Variants in ARID5A observed in about 807,000 individuals in gnomAD.
ARID5A encodes the protein AT-rich interaction domain 5A.
Under a neutral mutation model 30.5 loss-of-function variants are expected in ARID5A, and 14 were observed. The ratio of observed to expected loss-of-function variants is 0.46; its 90% CI spans 0.30 to 0.72. ARID5A has a LOEUF of 0.72. Ranked by LOEUF, ARID5A falls within the 30% of genes least tolerant of loss-of-function variation. The pLI is 0.07. For synonymous variants in ARID5A, 338 were observed against 340.4 expected (o/e 0.99, Z 0.08); for missense variants, 669 against 786.2 (o/e 0.85, Z 1.78).
Position 96,549,683 on chromosome 2 carries a change from C to T in ARID5A, c.260-70C>T, listed in dbSNP as rs1175405426. The T allele has an allele frequency of 1.1e-5, 18 of 1,606,832 alleles. No individual in the cohort carries two copies. The highest frequency in any genetic ancestry group is 1.7e-4 in the Middle Eastern group (1 of 6,050). On this transcript the variant is annotated intron_variant, in intron 3 of 6. Coordinates refer to ENST00000357485, the MANE Select transcript of ARID5A (RefSeq NM_212481.3). The surrounding 1 kb of genome is among the most constrained non-coding windows in gnomAD (Gnocchi z 6.1). ...GTCTGTGCCTGGCCTGTCAGGGCACCAGGAAGGGGTGGCATGCTGTCCCCA... is the reference window on the plus strand; with the variant it reads ...GTCTGTGCCTGGCCTGTCAGGGCACTAGGAAGGGGTGGCATGCTGTCCCCA...
At chr2:96,542,435 C>A (rs2065862064) in intron 1 of ARID5A, among the ~76,000 whole-genome samples, 1 of 152,194 alleles carries the variant, frequency 6.6e-6, no homozygotes, top group Non-Finnish European at 1.5e-5. Context: ...TGGTGACCTC[C>A]TTTCCAGGTA....
rs1208855672 is a variant in ARID5A at position 96,552,028 on chromosome 2, C to T, written c.1500C>T (p.Tyr500=). 1.3e-6 allele frequency: 2 copies of T among 1,538,694 alleles called. No homozygotes were observed. The highest frequency in any genetic ancestry group is 2.5e-5 in the South Asian group (2 of 78,962). Residue 500 remains tyrosine, a synonymous_variant, in exon 7 of 7, where the codon TAC becomes TAT. Transcript: ENST00000357485. ...TGGGGCCTGTGCCCCCAGAGGCCTA[C>T]AGGGGCACCATGCTGCACTGCCCGC... ...PALGPVPPEA[Y]RGTMLHCPLN... is the part of the protein sequence containing the mutation.
chr2:96,552,432 G>C lies in ARID5A; in HGVS notation c.*119G>C. ...CCAGGACACCCGGGCCATGCCCCTG[G>C]CTGGGCAGCCTGGCACAAGTGAAGA... On this transcript the variant is annotated 3_prime_UTR_variant, in exon 7 of 7. Transcript: ENST00000357485. The C allele has an allele frequency of 6.4e-7, 1 of 1,557,434 alleles. No homozygotes were observed. Among genetic ancestry groups the C allele is most frequent in the Non-Finnish European group, 8.7e-7 (1 of 1,153,288 alleles).
rs765210461 is a variant in ARID5A at position 96,551,186 on chromosome 2, G to A, written c.658G>A (p.Gly220Ser). Reference sequence around the variant, plus strand: ...CCCCAGGAACAGCACAGAACAGCAGGGCCTGGCCTCTGGGTCTTCTGTGTC... The same window carrying A: ...CCCCAGGAACAGCACAGAACAGCAGAGCCTGGCCTCTGGGTCTTCTGTGTC... ...EPPRNSTEQQ[G>S]LASGSSVSFV... is the part of the protein sequence containing the mutation. The change falls in exon 7 of 7, where the codon GGC becomes AGC. Residue 220 changes from glycine (G) to serine (S), a missense_variant. Coordinates refer to ENST00000357485, the MANE Select transcript of ARID5A (RefSeq NM_212481.3). 35 of 1,613,856 alleles carry A rather than the reference G, an allele frequency of 2.2e-5. No individual in the cohort carries two copies. The East Asian group carries it at 7.8e-4, about 36-fold the overall frequency.
Position 96,550,229 on chromosome 2 carries a change from G to C in ARID5A, c.354G>C (p.Leu118=). Residue 118 remains leucine (L), a synonymous_variant, in exon 5 of 7, where the codon CTG becomes CTC. Coordinates refer to ENST00000357485, the MANE Select transcript of ARID5A (RefSeq NM_212481.3). The surrounding 1 kb of genome is among the most constrained non-coding windows in gnomAD (Gnocchi z 6.6). The stretch of plus-strand genomic sequence containing the variant: ...TCTGGAAGAACGTGTACGACGAGCT[G>C]GGGGGCAGCCCAGGCAGCACCAGCG... ...RRLWKNVYDE[L]GGSPGSTSAA... is the part of the protein sequence containing the mutation. The C allele has an allele frequency of 2.0e-6, 3 of 1,531,774 alleles. No individual in the cohort carries two copies. The highest frequency in any genetic ancestry group is 1.2e-5 in the South Asian group (1 of 83,054). The allele number at this position is 1,531,774 out of a possible 1,614,324, so 94.9% of individuals were successfully genotyped here.
chr2:96,543,004 G>C (rs2065871216), intron 1 of ARID5A, among the ~76,000 whole-genome samples: 1 of 152,224 alleles, frequency 6.6e-6, no homozygotes, highest in South Asian at 2.1e-4. Flanking sequence ...GACTTGGTTG[G>C]AAAGGCATCA....
chr2:96,551,205 C>G lies in ARID5A; in HGVS notation c.677C>G (p.Ser226Cys). 1.9e-6 allele frequency: 3 copies of G among 1,614,056 alleles called. No individual in the cohort carries two copies. Among genetic ancestry groups the G allele is most frequent in the Non-Finnish European group, 2.5e-6 (3 of 1,180,010 alleles). The change falls in exon 7 of 7, where the codon TCT (serine) becomes TGT (cysteine). Residue 226 changes from serine (S) to cysteine (C), a missense_variant. By Grantham distance (112) the Ser-to-Cys change is moderately radical. This residue lies in a region of ARID5A where 548 missense variants were observed against 577.4 expected (regional missense o/e 0.95). Transcript: ENST00000357485. ...TEQQGLASGS[S>C]VSFVGASGCP... ...CAGCAGGGCCTGGCCTCTGGGTCTTCTGTGTCCTTTGTGGGTGCCAGCGGC... is the reference window on the plus strand; with the variant it reads ...CAGCAGGGCCTGGCCTCTGGGTCTTGTGTGTCCTTTGTGGGTGCCAGCGGC...
chr2:96,548,865 G>A (rs569557734), intron 2 of ARID5A, among the ~76,000 whole-genome samples: 17 of 152,326 alleles, frequency 1.1e-4, no homozygotes, highest in South Asian at 2.1e-4. Flanking sequence ...GTAACCCCAG[G>A]GCACCAGAAA....
chr2:96,552,526 G>A lies in ARID5A; in HGVS notation c.*213G>A. On this transcript the variant is annotated 3_prime_UTR_variant, in exon 7 of 7. Transcript: ENST00000357485. Reference sequence around the variant, plus strand: ...GAGCCCAGGAGCAGAGGACCCAGTTGTTATAAGGCGCTGGGAGAGGATGGG... The same window carrying A: ...GAGCCCAGGAGCAGAGGACCCAGTTATTATAAGGCGCTGGGAGAGGATGGG... 7 of 1,532,358 alleles carry A rather than the reference G, an allele frequency of 4.6e-6. No homozygotes were observed. The highest frequency in any genetic ancestry group is 1.4e-5 in the African/African-American group (1 of 73,136). 94.9% of individuals were successfully genotyped at this position (1,532,358 alleles called of 1,614,324 possible).
chr2:96,547,146 G>T (rs1194043664), intron 1 of ARID5A, among the ~76,000 whole-genome samples: 1 of 151,638 alleles, frequency 6.6e-6, no homozygotes, highest in Non-Finnish European at 1.5e-5. Context: ...CCTTCCCCCT[G>T]GCCAATTCTT....
In ARID5A at chr2:96,551,780, G is replaced by T; in HGVS notation, c.1252G>T (p.Val418Leu). The T allele has an allele frequency of 6.5e-7, 1 of 1,539,448 alleles. No individual in the cohort carries two copies. Among genetic ancestry groups the T allele is most frequent in the African/African-American group, 1.4e-5 (1 of 72,096 alleles). Residue 418 changes from valine (V) to leucine (L), a missense_variant, in exon 7 of 7, where the codon GTG becomes TTG. Val to Leu is a conservative substitution (Grantham distance 32). Around this residue, in one of 4 missense-constraint regions of ARID5A, gnomAD observed 548 missense variants for 577.4 expected, o/e 0.95. Transcript: ENST00000357485. ...CTACCCCAAGCCCAAAGCCTGCTGG[G>T]TGTCCCCCATGGCCAAGGTCCCAGC... is the stretch of plus-strand genomic sequence containing the variant. Reference protein sequence around the residue: ...ILYPKPKACWVSPMAKVPAES... With the variant: ...ILYPKPKACWLSPMAKVPAES...
chr2:96,547,535 G>C lies in ARID5A; in HGVS notation c.120+18G>C. The stretch of plus-strand genomic sequence containing the variant: ...CGCTGGAGGTGAGTTGACTCCCTCT[G>C]CTGACTCCCTGGGCACTCTTCCCTG... On this transcript the variant is annotated intron_variant, in intron 2 of 6. Coordinates refer to ENST00000357485, the MANE Select transcript of ARID5A (RefSeq NM_212481.3). 2 of 1,610,316 alleles carry C rather than the reference G, an allele frequency of 1.2e-6. No individual in the cohort carries two copies. Among genetic ancestry groups the C allele is most frequent in the Non-Finnish European group, 1.7e-6 (2 of 1,177,076 alleles).
At position 96,550,810 on chromosome 2, in the gene ARID5A, G is replaced by A; in HGVS notation, c.570+77G>A. 2 of 1,466,936 alleles carry A rather than the reference G, an allele frequency of 1.4e-6. No homozygotes were observed. The allele number at this position is 1,466,936 out of a possible 1,614,324, so 90.9% of individuals were successfully genotyped here. On this transcript the variant is annotated intron_variant, in intron 6 of 6. Transcript: ENST00000357485. This position sits in a 1 kb window ranked among gnomAD's most constrained non-coding sequence, Gnocchi z 6.6. Reference sequence around the variant, plus strand: ...CTACCCCACAACTCCCTGTGGCCGCGGAGCTGTCTGCTCAGAATACACAGA... The same window carrying A: ...CTACCCCACAACTCCCTGTGGCCGCAGAGCTGTCTGCTCAGAATACACAGA...
intron 2 of ARID5A, 94 bp downstream of exon 2, chr2:96,547,611 TCTCAGGAGG>T: frequency 1.7e-6 from 2 of 1,169,034 alleles, no homozygotes; most frequent in Non-Finnish European, 2.5e-6. Context: ...CTCCCCAAGC[TCTCAGGAGG>T]GAGATATGTT....
chr2:96,547,523 TTGACTCCCTCTGC>T lies in ARID5A; in HGVS notation c.120+16_120+28del, dbSNP rs745724326. The T allele has an allele frequency of 3.7e-6, 6 of 1,612,648 alleles. No homozygotes were observed. Among genetic ancestry groups the T allele is most frequent in the Non-Finnish European group, 5.1e-6 (6 of 1,179,344 alleles). ...AGAACCCCATCTCGCTGGAGGTGAG[TTGACTCCCTCTGC>T]TGACTCCCTGGGCACTCTTCCCTGC... On this transcript the variant is annotated splice_region_variant and intron_variant, in intron 2 of 6. Coordinates refer to ENST00000357485, the MANE Select transcript of ARID5A (RefSeq NM_212481.3).
intron 1 of ARID5A, among the ~76,000 whole-genome samples, chr2:96,542,296 C>T (rs891286192): frequency 4.6e-5 from 7 of 152,302 alleles, no homozygotes; most frequent in Admixed American, 4.6e-4. Flanking sequence ...CAGGACAGAG[C>T]ACTAACCCTG....
chr2:96,550,671 AG>A lies in ARID5A; in HGVS notation c.514del (p.Asp172MetfsTer20). Reference protein sequence around the residue: ...RKQYKMAKENRGDDGATERPK... With the variant: ...RKQYKMAKENXGDDGATERPK... ...ACAGTACAAGATGGCTAAGGAGAAC[AG>A]GGGGGATGATGGGGCCACCGAGAGG... On this transcript the variant is annotated frameshift_variant, in exon 6 of 7. Transcript: ENST00000357485. LOFTEE classifies it high-confidence loss of function. The surrounding 1 kb of genome is among the most constrained non-coding windows in gnomAD (Gnocchi z 6.6). 6.3e-7 allele frequency: 1 copy of A among 1,597,942 alleles called. No individual in the cohort carries two copies. The highest frequency in any genetic ancestry group is 8.5e-7 in the Non-Finnish European group (1 of 1,173,378).
chr2:96,552,297 T>G lies in ARID5A; in HGVS notation c.1769T>G (p.Leu590Arg), dbSNP rs374377963. 6.2e-7 allele frequency: 1 copy of G among 1,613,090 alleles called. No homozygotes were observed. Among genetic ancestry groups the G allele is most frequent in the African/African-American group, 1.3e-5 (1 of 74,928 alleles). ...TTYAAPHFFH[L>R]NTKL ...TATGCAGCGCCCCACTTCTTCCACCTCAACACCAAGCTGTAGGCCAGCCCA... is the reference window on the plus strand; with the variant it reads ...TATGCAGCGCCCCACTTCTTCCACCGCAACACCAAGCTGTAGGCCAGCCCA... The change falls in exon 7 of 7, where the codon CTC (leucine) becomes CGC (arginine). Residue 590 changes from leucine to arginine, a missense_variant. Physicochemically the swap from Leu to Arg is moderately radical, Grantham distance 102 (BLOSUM62 -2). Transcript: ENST00000357485.
chr2:96,549,616 G>C lies in ARID5A; in HGVS notation c.260-137G>C. 2.7e-6 allele frequency: 4 copies of C among 1,497,882 alleles called. No homozygotes were observed. Among genetic ancestry groups the C allele is most frequent in the Non-Finnish European group, 3.7e-6 (4 of 1,081,742 alleles). 92.8% of individuals were successfully genotyped at this position (1,497,882 alleles called of 1,614,324 possible). On this transcript the variant is annotated intron_variant, in intron 3 of 6. Coordinates refer to ENST00000357485, the MANE Select transcript of ARID5A (RefSeq NM_212481.3). The surrounding 1 kb of genome is among the most constrained non-coding windows in gnomAD (Gnocchi z 6.1). ...CTGGGCCAGGGGTGCACAGGGCACA[G>C]CCTGCCCGTCTATTGCAGTGGCCCT...
Sources: allele counts gnomAD v4.1 joint callset (sites outside exome capture counted in the v4.1 genomes callset), GRCh38; gene constraint gnomAD v4.1.1; regional missense constraint gnomAD v4.1.1; non-coding constraint Gnocchi (gnomAD v3.1); transcripts MANE v1.5; gene names NCBI Gene and HGNC (gene_info 2026-07-23, HGNC 2026-07-21).